Variants in STK32B observed in about 807,000 individuals in gnomAD.
STK32B encodes serine/threonine kinase 32B.
Under a neutral mutation model 52.6 loss-of-function variants are expected in STK32B, and 43 were observed. That is an observed-to-expected ratio of 0.82 (90% CI 0.64 to 1.05). The LOEUF (loss-of-function observed/expected upper bound fraction) is 1.05, where lower values mean the gene tolerates loss of function less well. STK32B is among the 50% of genes least tolerant of loss of function. STK32B has a pLI of 0.00. For synonymous variants in STK32B, 238 were observed against 204.3 expected (o/e 1.17, Z -1.41); for missense variants, 621 against 534.6 (o/e 1.16, Z -1.59).
intron 1 of STK32B, among the ~76,000 whole-genome samples, chr4:5,072,769 G>C (rs1020195161): frequency 2.6e-5 from 4 of 152,024 alleles, no homozygotes; most frequent in South Asian, 4.2e-4. Context: ...TATCCTTATG[G>C]AGTTTTGTTG....
intron 4 of STK32B, among the ~76,000 whole-genome samples, chr4:5,382,694 G>C (rs1253397336): frequency 6.6e-6 from 1 of 152,128 alleles, no homozygotes; most frequent in African/African-American, 2.4e-5. Flanking sequence ...TCCCGAGCAA[G>C]GTTTTCTTAT....
At chr4:5,144,074 C>A (rs982412014) in intron 2 of STK32B, among the ~76,000 whole-genome samples, 2 of 152,164 alleles carry the variant, frequency 1.3e-5, no homozygotes, top group African/African-American at 4.8e-5. Flanking sequence ...CTCATTCTTA[C>A]ATAACACATT....
intron 2 of STK32B, among the ~76,000 whole-genome samples, chr4:5,153,576 C>T (rs1458582467): frequency 1.3e-5 from 2 of 150,952 alleles, no homozygotes; most frequent in Non-Finnish European, 3.0e-5. Context: ...AAGCATTTAC[C>T]AAAAACATAC....
chr4:5,429,851 C>T (rs1171015374), intron 6 of STK32B, among the ~76,000 whole-genome samples: 1 of 151,980 alleles, frequency 6.6e-6, no homozygotes, highest in Non-Finnish European at 1.5e-5. Context: ...GGATACAGAA[C>T]TCTGGGTTAA....
intron 3 of STK32B, among the ~76,000 whole-genome samples, chr4:5,330,471 G>T (rs865963150): frequency 3.9e-5 from 6 of 152,238 alleles, no homozygotes; most frequent in Middle Eastern, 3.4e-3. Context: ...AAACTTAATG[G>T]TGTGAAAACA....
At chr4:5,259,550 T>G (rs1367088809) in intron 3 of STK32B, among the ~76,000 whole-genome samples, 1 of 152,224 alleles carries the variant, frequency 6.6e-6, no homozygotes, top group Admixed American at 6.5e-5. Context: ...ATAACAGTAC[T>G]GTGTCACACA....
chr4:5,417,592 A>G (rs955216206), intron 6 of STK32B, among the ~76,000 whole-genome samples: 1 of 151,808 alleles, frequency 6.6e-6, no homozygotes, highest in African/African-American at 2.4e-5. Context: ...TTCTGAAATC[A>G]TTTTCCCTTT....
intron 11 of STK32B, among the ~76,000 whole-genome samples, chr4:5,480,587 T>C (rs982825807): frequency 6.6e-6 from 1 of 152,220 alleles, no homozygotes; most frequent in African/African-American, 2.4e-5. Context: ...ACGTTTTTTT[T>C]TTCTTTCATT....
Position 5,499,211 on chromosome 4 carries a change from TG to T in STK32B, c.*130del. The T allele has an allele frequency of 2.3e-6, 3 of 1,328,998 alleles. No individual in the cohort carries two copies. Among genetic ancestry groups the T allele is most frequent in the Non-Finnish European group, 3.0e-6 (3 of 1,005,800 alleles). 82.3% of individuals were successfully genotyped at this position (1,328,998 alleles called of 1,614,324 possible). On this transcript the variant is annotated 3_prime_UTR_variant, in exon 12 of 12. Transcript: ENST00000282908. ...TCAGATGCAGAAAAAGCCCTGGACT[TG>T]GAGCTGGGAAGCCTGGGTTCTGGTC...
chr4:5,236,543 C>G (rs1030874603), intron 3 of STK32B, among the ~76,000 whole-genome samples: 2 of 152,130 alleles, frequency 1.3e-5, no homozygotes, highest in African/African-American at 4.8e-5. Context: ...ATTAGCTTTG[C>G]CTGCCTTTGT....
Position 5,453,617 on chromosome 4 carries a change from A to G in STK32B, c.667-3190A>G, listed in dbSNP as rs983009956. 1.3e-5 allele frequency among the ~76,000 whole-genome samples: 2 copies of G among 152,124 alleles called. No homozygotes were observed. The highest frequency in any genetic ancestry group is 4.8e-5 in the African/African-American group (2 of 41,430). On this transcript the variant is annotated intron_variant, in intron 7 of 11. Transcript: ENST00000282908. This position sits in a 1 kb window ranked among gnomAD's most constrained non-coding sequence, Gnocchi z 4.0. Reference sequence around the variant, plus strand: ...AGGAAGGAGCAATTATAAATAGTCCAAAACGGCTGGGTGCAGTGGCTTACG... The same window carrying G: ...AGGAAGGAGCAATTATAAATAGTCCGAAACGGCTGGGTGCAGTGGCTTACG...
chr4:5,243,414 T>G (rs1725190572), intron 3 of STK32B, among the ~76,000 whole-genome samples: 1 of 152,208 alleles, frequency 6.6e-6, no homozygotes, highest in Non-Finnish European at 1.5e-5. Flanking sequence ...CTTGCGATTT[T>G]TGCACGTTGA....
chr4:5,311,952 G>A (rs1042876419), intron 3 of STK32B, among the ~76,000 whole-genome samples: 2 of 149,728 alleles, frequency 1.3e-5, no homozygotes, highest in African/African-American at 4.9e-5. Flanking sequence ...TATGAAAGTA[G>A]TAGAATCTTA....
chr4:5,198,658 G>A (rs111820471), intron 3 of STK32B, among the ~76,000 whole-genome samples: 2 of 152,266 alleles, frequency 1.3e-5, no homozygotes, highest in African/African-American at 4.8e-5. Flanking sequence ...GTGATCCATG[G>A]GGTGGTGATG....
At chr4:5,100,540 TTTCCTCCTTTCCTCCTTCCTTCC>T (rs1560151126) in intron 1 of STK32B, among the ~76,000 whole-genome samples, 2 of 140,958 alleles carry the variant, frequency 1.4e-5, no homozygotes, top group African/African-American at 2.6e-5. Context: ...CCTTCCTTCC[TTTCCTCCTTTCCTCCTTCCTTCC>T]TTCCTCCTCC....
chr4:5,211,439 T>A (rs1418218395), intron 3 of STK32B, among the ~76,000 whole-genome samples: 1 of 151,956 alleles, frequency 6.6e-6, no homozygotes, highest in Non-Finnish European at 1.5e-5. Flanking sequence ...CCCCCAGAGG[T>A]AGTCTTGTCA....
At chr4:5,206,879 T>C (rs1172111877) in intron 3 of STK32B, among the ~76,000 whole-genome samples, 2 of 152,198 alleles carry the variant, frequency 1.3e-5, no homozygotes, top group African/African-American at 2.4e-5. Flanking sequence ...AAATCATTAT[T>C]TTCTCTTTAA....
At chr4:5,349,341 A>G (rs1733678575) in intron 4 of STK32B, among the ~76,000 whole-genome samples, 1 of 152,170 alleles carries the variant, frequency 6.6e-6, no homozygotes, top group Non-Finnish European at 1.5e-5. Context: ...ACAACAACAT[A>G]CTAAGCCACC....
intron 1 of STK32B, among the ~76,000 whole-genome samples, chr4:5,125,349 A>G (rs1474221003): frequency 1.3e-5 from 2 of 152,232 alleles, no homozygotes; most frequent in Non-Finnish European, 2.9e-5. Flanking sequence ...TAGAAAACTA[A>G]TACAAAGCTT....
Sources: gnomAD v4.1 joint callset for allele counts (sites outside exome capture counted in the v4.1 genomes callset) on GRCh38, gnomAD v4.1.1 for gene constraint, Gnocchi (gnomAD v3.1) non-coding constraint, MANE v1.5 for transcripts, NCBI Gene and HGNC (gene_info 2026-07-23, HGNC 2026-07-21) for gene names.